CNTLN: variants seen among roughly 807,000 people sequenced by gnomAD.
The protein encoded by CNTLN is centlein, also known as centlein, centrosomal protein.
Under a neutral mutation model 180.0 loss-of-function variants are expected in CNTLN, and 212 were observed. The ratio of observed to expected loss-of-function variants is 1.18; its 90% CI spans 1.05 to 1.32. The LOEUF is 1.32. CNTLN is among the 40% of genes most tolerant of loss of function. CNTLN has a pLI of 0.00. For synonymous variants in CNTLN, 722 were observed against 563.1 expected, an observed-to-expected ratio of 1.28 and a Z score of -3.99; for missense variants, 2,095 against 1,610.9, an observed-to-expected ratio of 1.30 and a Z score of -5.14.
chr9:17,204,788 A>C (rs1401212067), intron 2 of CNTLN, among the ~76,000 whole-genome samples: 1 of 152,150 alleles, frequency 6.6e-6, no homozygotes, highest in East Asian at 1.9e-4. Flanking sequence ...CTGAGCCCAC[A>C]GCCGCCCCTC....
At chr9:17,432,652 T>G (rs1829483484) in intron 18 of CNTLN, among the ~76,000 whole-genome samples, 2 of 152,112 alleles carry the variant, frequency 1.3e-5, no homozygotes, top group African/African-American at 4.8e-5. Context: ...CATAAGACAG[T>G]AGAACAGATC....
intron 13 of CNTLN, among the ~76,000 whole-genome samples, chr9:17,376,746 C>T (rs1236680758): frequency 1.3e-5 from 2 of 151,980 alleles, no homozygotes; most frequent in Admixed American, 6.6e-5. Context: ...CCACCGCACC[C>T]GGCCATAACC....
chr9:17,148,772 T>G (rs1818631045), intron 2 of CNTLN, among the ~76,000 whole-genome samples: 1 of 152,214 alleles, frequency 6.6e-6, no homozygotes, highest in Admixed American at 6.5e-5. Context: ...TTTTGCCACT[T>G]TGTGTGTACC....
chr9:17,200,522 T>G (rs1436338129), intron 2 of CNTLN, among the ~76,000 whole-genome samples: 1 of 152,164 alleles, frequency 6.6e-6, no homozygotes, highest in Non-Finnish European at 1.5e-5. Context: ...TGAGCAGTGG[T>G]TTGTAGTTGT....
intron 7 of CNTLN, among the ~76,000 whole-genome samples, chr9:17,304,425 C>G (rs3908769): frequency 2.0e-5 from 3 of 152,126 alleles, no homozygotes; most frequent in Non-Finnish European, 4.4e-5. Context: ...TTTATGATTT[C>G]TAGACCATCC....
intron 22 of CNTLN, 65 bp from the exon 23 acceptor site, chr9:17,466,641 A>ATAAC: frequency 7.6e-7 from 1 of 1,323,096 alleles, no homozygotes; most frequent in South Asian, 1.4e-5. Flanking sequence ...TTTGACATGT[A>ATAAC]TAACTAACTC....
intron 7 of CNTLN, among the ~76,000 whole-genome samples, chr9:17,307,171 T>C (rs1818776332): frequency 6.6e-6 from 1 of 152,218 alleles, no homozygotes. Flanking sequence ...AATTTTTTTA[T>C]AAATCATATA....
In CNTLN at chr9:17,462,969, T is replaced by G; in HGVS notation, c.3360T>G (p.Phe1120Leu). ...KQSSNVKTLK[F>L]ELLAKEEHIK... ...CATCAAATGTGAAGACTTTGAAATT[T>G]GAACTCCTAGCAAAAGAAGAACACA... The change falls in exon 20 of 26, where the codon TTT (phenylalanine) becomes TTG (leucine). Residue 1120 changes from phenylalanine to leucine, a missense_variant. Transcript: ENST00000380647. The G allele has an allele frequency of 6.3e-7, 1 of 1,584,724 alleles. No homozygotes were observed. Among genetic ancestry groups the G allele is most frequent in the Non-Finnish European group, 8.6e-7 (1 of 1,168,944 alleles).
chr9:17,476,290 C>G (rs948342565), intron 23 of CNTLN, among the ~76,000 whole-genome samples: 1 of 152,148 alleles, frequency 6.6e-6, no homozygotes, highest in African/African-American at 2.4e-5. Context: ...CTCCCTCTCC[C>G]TGAGCCTCCT....
At chr9:17,335,267 C>T (rs1055547355) in intron 10 of CNTLN, among the ~76,000 whole-genome samples, 5 of 152,126 alleles carry the variant, frequency 3.3e-5, no homozygotes, top group Non-Finnish European at 4.4e-5. Flanking sequence ...GCCTGTAATC[C>T]CAGCACTTTG....
At chr9:17,268,360 G>A (rs1827658934) in intron 5 of CNTLN, among the ~76,000 whole-genome samples, 2 of 152,132 alleles carry the variant, frequency 1.3e-5, no homozygotes, top group Admixed American at 1.3e-4. Flanking sequence ...GGATATTGGT[G>A]ACCCGCAAAT....
intron 13 of CNTLN, among the ~76,000 whole-genome samples, chr9:17,385,536 C>G (rs372969148): frequency 6.6e-6 from 1 of 152,114 alleles, no homozygotes; most frequent in African/African-American, 2.4e-5. Flanking sequence ...GGTCCTATTA[C>G]TCAAGAAATT....
chr9:17,253,938 G>C (rs1242920680), intron 5 of CNTLN, among the ~76,000 whole-genome samples: 1 of 151,300 alleles, frequency 6.6e-6, no homozygotes, highest in East Asian at 1.9e-4. Flanking sequence ...TTTATTATTT[G>C]GAGGCATGTT....
intron 2 of CNTLN, among the ~76,000 whole-genome samples, chr9:17,152,677 C>G (rs1818974072): frequency 6.6e-6 from 1 of 151,972 alleles, no homozygotes; most frequent in Admixed American, 6.6e-5. Context: ...CTATTAGGTC[C>G]CCCTGGTCCA....
chr9:17,203,445 A>T (rs1367150204), intron 2 of CNTLN, among the ~76,000 whole-genome samples: 1 of 152,032 alleles, frequency 6.6e-6, no homozygotes, highest in East Asian at 1.9e-4. Flanking sequence ...CCTTGGTTTC[A>T]TTCTGTCACT....
At chr9:17,521,910 T>C in the CNTLN span, among the ~76,000 whole-genome samples, 1 of 152,228 alleles carries the variant, frequency 6.6e-6, no homozygotes, top group Non-Finnish European at 1.5e-5. Flanking sequence ...TCAAAGATTT[T>C]ATTTTTTCCC....
intron 18 of CNTLN, among the ~76,000 whole-genome samples, chr9:17,446,276 G>A (rs563380099): frequency 5.3e-5 from 8 of 152,040 alleles, no homozygotes; most frequent in Admixed American, 1.3e-4. Flanking sequence ...TAAGTCTCTC[G>A]TTCCACCTTA....
chr9:17,283,118 T>C (rs1440557997), intron 6 of CNTLN, among the ~76,000 whole-genome samples: 3 of 152,234 alleles, frequency 2.0e-5, no homozygotes, highest in Non-Finnish European at 4.4e-5. Context: ...TTTCTAAATC[T>C]GTGAAGAATG....
intron 12 of CNTLN, among the ~76,000 whole-genome samples, chr9:17,356,607 A>C (rs184479558): frequency 6.6e-6 from 1 of 152,292 alleles, no homozygotes; most frequent in Non-Finnish European, 1.5e-5. Context: ...GGAGTTTTAT[A>C]ATATTAGTTA....
Sources: allele counts gnomAD v4.1 joint callset (sites outside exome capture counted in the v4.1 genomes callset), GRCh38; gene constraint gnomAD v4.1.1; transcripts MANE v1.5; gene names NCBI Gene and HGNC (gene_info 2026-07-23, HGNC 2026-07-21).